Variants in AEBP2 observed in about 807,000 individuals in gnomAD.
AEBP2 encodes the protein AE binding protein 2.
In AEBP2, 10 loss-of-function variants were observed where a neutral mutation model predicts 50.8. The observed-to-expected ratio is 0.20, with a 90% CI of 0.12 to 0.33. The LOEUF (loss-of-function observed/expected upper bound fraction) is 0.33, where lower values mean the gene tolerates loss of function less well. Among genes scored for constraint, AEBP2 ranks in the 10% least tolerant of loss-of-function variants. The probability of loss-of-function intolerance (pLI) is 1.00; values close to 1 mark genes in which losing one functional copy is unlikely to be tolerated. For synonymous variants in AEBP2, 296 were observed against 261.3 expected (o/e 1.13, Z -1.28); for missense variants, 570 against 688.0 (o/e 0.83, Z 1.92).
At chr12:19,431,110 G>A (rs778199498) in intron 1 of AEBP2, among the ~76,000 whole-genome samples, 7 of 152,064 alleles carry the variant, frequency 4.6e-5, no homozygotes, top group African/African-American at 9.7e-5. Context: ...AAAGAAATAA[G>A]GGAGAAAGTG....
At chr12:19,490,107 A>G (rs536756950) in intron 3 of AEBP2, among the ~76,000 whole-genome samples, 1 of 137,476 alleles carries the variant, frequency 7.3e-6, no homozygotes, top group South Asian at 2.3e-4. Context: ...TTGGCCTCCC[A>G]GAATGTTGGA....
chr12:19,478,152 ATTG>A (rs1171664669), intron 3 of AEBP2, among the ~76,000 whole-genome samples: 5 of 151,660 alleles, frequency 3.3e-5, no homozygotes, highest in African/African-American at 9.7e-5. Context: ...TACCTTTTGT[ATTG>A]TTGTTGTTCT....
In AEBP2 at chr12:19,439,882, CGGCAGCGGT is replaced by C. The variant is rs1443822453; in HGVS notation, c.186_194del (p.Ser63_Gly65del). On this transcript the variant is annotated inframe_deletion, in exon 1 of 8. Transcript: ENST00000266508. ...CGGTGGCGGCGCTGCTGCTGAACGG[CGGCAGCGGT>C]GGGGGCGGCGGAGGCGGCGGCGGAG... The C allele has an allele frequency of 6.8e-7, 1 of 1,479,280 alleles. No individual in the cohort carries two copies. The highest frequency in any genetic ancestry group is 1.3e-5 in the South Asian group (1 of 77,132). 91.6% of individuals were successfully genotyped at this position (1,479,280 alleles called of 1,614,324 possible). A position where few individuals can be genotyped will look rare whatever the true frequency, so the allele number is the denominator to read the frequency against.
chr12:19,440,780 A>G (rs993731613), intron 1 of AEBP2: 35 of 1,532,384 alleles, frequency 2.3e-5, no homozygotes, highest in African/African-American at 4.1e-5. Flanking sequence ...ACAATTGACA[A>G]GTGTTTCCAA....
chr12:19,415,144 T>A (rs1341040829), intron 1 of AEBP2, among the ~76,000 whole-genome samples: 2 of 148,802 alleles, frequency 1.3e-5, no homozygotes, highest in Non-Finnish European at 3.0e-5. Context: ...ACCCCATCTC[T>A]ACTAAAAAAA....
intron 3 of AEBP2, among the ~76,000 whole-genome samples, chr12:19,488,825 C>T (rs1490816406): frequency 6.6e-6 from 1 of 152,074 alleles, no homozygotes; most frequent in Admixed American, 6.6e-5. Flanking sequence ...GAGATGGACT[C>T]TTGCTCTGTC....
intron 3 of AEBP2, among the ~76,000 whole-genome samples, chr12:19,476,465 C>T (rs1948650916): frequency 6.6e-6 from 1 of 152,130 alleles, no homozygotes; most frequent in South Asian, 2.1e-4. Flanking sequence ...CCTCAGACTC[C>T]CGAGTAGCTG....
intron 1 of AEBP2, among the ~76,000 whole-genome samples, chr12:19,452,146 C>T (rs1427222531): frequency 6.6e-6 from 1 of 152,178 alleles, no homozygotes; most frequent in Non-Finnish European, 1.5e-5. Context: ...CCACCTCAGC[C>T]TCCCAAAGTG....
At chr12:19,442,765 TTAA>T (rs952880513) in intron 1 of AEBP2, among the ~76,000 whole-genome samples, 3 of 152,234 alleles carry the variant, frequency 2.0e-5, no homozygotes, top group Non-Finnish European at 2.9e-5. Flanking sequence ...GCTTGGGGTC[TTAA>T]TAATCTTAAT....
At chr12:19,419,384 T>C (rs1349168495) in intron 1 of AEBP2, among the ~76,000 whole-genome samples, 1 of 150,230 alleles carries the variant, frequency 6.7e-6, no homozygotes, top group Non-Finnish European at 1.5e-5. Context: ...GGTCAGGAAA[T>C]CGAGACCATC....
intron 7 of AEBP2, among the ~76,000 whole-genome samples, chr12:19,516,797 T>G (rs1949325795): frequency 6.6e-6 from 1 of 152,056 alleles, no homozygotes; most frequent in Admixed American, 6.6e-5. Flanking sequence ...GAGGCCGAGG[T>G]GGGTGGATCA....
At chr12:19,481,798 C>A (rs549356350) in intron 3 of AEBP2, among the ~76,000 whole-genome samples, 2 of 152,128 alleles carry the variant, frequency 1.3e-5, no homozygotes, top group Non-Finnish European at 1.5e-5. Flanking sequence ...TTTTCTGTTT[C>A]TCTAAGTGTG....
chr12:19,485,708 C>CAAAAAAAAAAAAAAGAGACCCTGTCTCAA (rs1948797549), intron 3 of AEBP2, among the ~76,000 whole-genome samples: 1 of 124,778 alleles, frequency 8.0e-6, no homozygotes. Flanking sequence ...GACCCTGTCT[C>CAAAAAAAAAAAAAAGAGACCCTGTCTCAA]AAAAAAAAAA....
intron 3 of AEBP2, among the ~76,000 whole-genome samples, chr12:19,475,350 C>T (rs1343547089): frequency 6.6e-6 from 1 of 151,912 alleles, no homozygotes; most frequent in Non-Finnish European, 1.5e-5. Flanking sequence ...AATTACTTCA[C>T]TTAGAATAAT....
At chr12:19,514,012 T>G (rs2120617111) in intron 6 of AEBP2, among the ~76,000 whole-genome samples, 1 of 151,846 alleles carries the variant, frequency 6.6e-6, no homozygotes, top group South Asian at 2.1e-4. Flanking sequence ...TTTTTGGTTT[T>G]TTTTGGAGAG....
intron 2 of AEBP2, among the ~76,000 whole-genome samples, chr12:19,464,592 A>AT (rs71067023): frequency 0.091 from 13,434 of 147,742 alleles, 671 homozygotes; most frequent in Middle Eastern, 0.15. Context: ...TAATTAATTA[A>AT]TTTTTTTTTT....
chr12:19,515,828 A>G (rs1016606148), intron 7 of AEBP2, among the ~76,000 whole-genome samples: 1 of 152,156 alleles, frequency 6.6e-6, no homozygotes, highest in Non-Finnish European at 1.5e-5. Context: ...GGCTGGGCCC[A>G]GTGGCTCATG....
At chr12:19,461,910 G>A (rs181654284) in intron 1 of AEBP2, among the ~76,000 whole-genome samples, 1 of 152,082 alleles carries the variant, frequency 6.6e-6, no homozygotes, top group Admixed American at 6.6e-5. Flanking sequence ...AAAATTTTAG[G>A]GCTAGGAAAA....
chr12:19,438,426 G>A (rs1370548117), upstream of AEBP2, among the ~76,000 whole-genome samples: 1 of 152,036 alleles, frequency 6.6e-6, no homozygotes, highest in Admixed American at 6.6e-5. Context: ...TATATCCATG[G>A]AATTGAAAAC....
Sources: gnomAD v4.1 joint callset for allele counts (sites outside exome capture counted in the v4.1 genomes callset) on GRCh38, gnomAD v4.1.1 for gene constraint, MANE v1.5 for transcripts, NCBI Gene and HGNC (gene_info 2026-07-23, HGNC 2026-07-21) for gene names.